Variants in BICDL1 observed in about 807,000 individuals in gnomAD.
BICDL1 encodes BICD family like cargo adaptor 1.
BICDL1 carries 20 observed loss-of-function variants against 76.8 expected under a neutral mutation model. The observed-to-expected ratio is 0.26, with a 90% CI of 0.18 to 0.38. The LOEUF is 0.38. Ranked by LOEUF, BICDL1 falls within the 10% of genes least tolerant of loss-of-function variation. The probability of loss-of-function intolerance (pLI) is 1.00; values close to 1 mark genes in which losing one functional copy is unlikely to be tolerated. For synonymous variants in BICDL1, 383 were observed against 337.1 expected, an observed-to-expected ratio of 1.14 and a Z score of -1.49; for missense variants, 700 against 798.6, an observed-to-expected ratio of 0.88 and a Z score of 1.49.
intron 2 of BICDL1, among the ~76,000 whole-genome samples, chr12:120,024,823 TTTGTTG>T (rs142436978): frequency 6.6e-5 from 10 of 150,838 alleles, no homozygotes; most frequent in South Asian, 2.1e-4. Context: ...CACCTGGCAT[TTTGTTG>T]TTGTTGTTGT....
intron 2 of BICDL1, 45 bp from the exon 3 acceptor site, chr12:120,061,665 T>G (rs1337174936): frequency 7.4e-7 from 1 of 1,342,742 alleles, no homozygotes; most frequent in South Asian, 1.2e-5. Context: ...ACAGAGTTCC[T>G]TTGCATAACC....
At chr12:119,991,714 G>T (rs754729982) in intron 1 of BICDL1, among the ~76,000 whole-genome samples, 1 of 151,520 alleles carries the variant, frequency 6.6e-6, no homozygotes, top group African/African-American at 2.4e-5. Context: ...TGAAGGACTT[G>T]ATTGAAGAGA....
chr12:119,992,609 T>G (rs1351927437), intron 1 of BICDL1: 1 of 152,424 alleles, frequency 6.6e-6, no homozygotes, highest in East Asian at 1.9e-4. Flanking sequence ...GGTCTCAAAC[T>G]ACGGGGCTCA....
chr12:119,993,874 C>T (rs1024989206), intron 1 of BICDL1, among the ~76,000 whole-genome samples: 8 of 152,208 alleles, frequency 5.3e-5, no homozygotes, highest in Admixed American at 3.9e-4. Flanking sequence ...CCTCAGCCTC[C>T]CAAAGTGCTG....
At chr12:120,029,212 C>A (rs1952370601) in intron 2 of BICDL1, among the ~76,000 whole-genome samples, 1 of 152,120 alleles carries the variant, frequency 6.6e-6, no homozygotes, top group Non-Finnish European at 1.5e-5. Context: ...GAGATCTCCA[C>A]AGGTATGAAC....
Position 119,998,747 on chromosome 12 carries a change from A to C in BICDL1, c.645+11A>C, listed in dbSNP as rs773932042. ...GATCAGCTCAGCAGGGTGAGTCACA[A>C]ATTAAGAATTTAAGATGTAAAATAC... On this transcript the variant is annotated intron_variant, in intron 2 of 9. Transcript: ENST00000548673. 6.8e-6 allele frequency: 11 copies of C among 1,609,760 alleles called. No homozygotes were observed. The highest frequency in any genetic ancestry group is 1.6e-4 in the Middle Eastern group (1 of 6,074).
At chr12:120,010,117 G>A (rs1375712795) in intron 2 of BICDL1, among the ~76,000 whole-genome samples, 1 of 152,236 alleles carries the variant, frequency 6.6e-6, no homozygotes, top group African/African-American at 2.4e-5. Context: ...AGCCTGTGCT[G>A]CCAGCTTTGC....
chr12:120,086,394 C>G (rs1042888616), intron 8 of BICDL1, among the ~76,000 whole-genome samples: 2 of 152,366 alleles, frequency 1.3e-5, no homozygotes, highest in Admixed American at 6.5e-5. Flanking sequence ...TATACGTTAT[C>G]TCTGATTCTC....
In BICDL1 at chr12:119,989,445, G is replaced by T. The variant is rs1183176761; in HGVS notation, c.-424G>T. On this transcript the variant is annotated 5_prime_UTR_variant, in exon 1 of 10. Transcript: ENST00000548673. ...CGGAGCGCAGCCCGCCCCGTGAGGC[G>T]CTGCCCGGCCGGCGGCGGCAGCAGC... 3.0e-5 allele frequency among the ~76,000 whole-genome samples: 4 copies of T among 133,104 alleles called. No individual in the cohort carries two copies. The highest frequency in any genetic ancestry group is 6.3e-5 in the Non-Finnish European group (4 of 63,228). The allele number at this position is 133,104 out of a possible 152,430, so 87.3% of individuals were successfully genotyped here.
intron 2 of BICDL1, among the ~76,000 whole-genome samples, chr12:120,025,924 A>G (rs968881783): frequency 6.6e-6 from 1 of 151,582 alleles, no homozygotes; most frequent in African/African-American, 2.4e-5. Context: ...TGCAACCTCC[A>G]CCTCCAGGGT....
intron 2 of BICDL1, among the ~76,000 whole-genome samples, chr12:120,051,032 T>C (rs999774175): frequency 6.6e-6 from 1 of 151,882 alleles, no homozygotes; most frequent in South Asian, 2.1e-4. Flanking sequence ...TCCCTGGAGA[T>C]TTTTTTTCTT....
intron 2 of BICDL1, among the ~76,000 whole-genome samples, chr12:120,039,637 CAAAAAAA>C (rs58284420): frequency 5.5e-5 from 3 of 54,760 alleles, no homozygotes; most frequent in African/African-American, 1.4e-4. Flanking sequence ...GACTCCGTCT[CAAAAAAA>C]AAAAAAAAAA....
At chr12:120,089,783 AAACT>A (rs1874805044) in intron 8 of BICDL1, among the ~76,000 whole-genome samples, 164 bp from the exon 9 acceptor site, 1 of 152,244 alleles carries the variant, frequency 6.6e-6, no homozygotes, top group African/African-American at 2.4e-5. Context: ...AACATGTTGC[AAACT>A]AACCCTCTGC....
chr12:120,086,849 C>G lies in BICDL1; in HGVS notation c.1584-3102C>G, dbSNP rs116703235. 4.1e-3 allele frequency among the ~76,000 whole-genome samples: 618 copies of G among 152,284 alleles called. 9 individuals are homozygous for G. The highest frequency in any genetic ancestry group is 0.014 in the African/African-American group (592 of 41,532). ...CTGGTCTGGGGTTTCCCATGAATGACGAGCACTTATTCCTTGGTGAGCAAA... is the reference window on the plus strand; with the variant it reads ...CTGGTCTGGGGTTTCCCATGAATGAGGAGCACTTATTCCTTGGTGAGCAAA... On this transcript the variant is annotated intron_variant, in intron 8 of 9. Coordinates refer to ENST00000548673, the MANE Select transcript of BICDL1 (RefSeq NM_001367886.1).
chr12:120,012,328 G>C (rs919334974), intron 2 of BICDL1, among the ~76,000 whole-genome samples: 10 of 152,178 alleles, frequency 6.6e-5, no homozygotes, highest in Admixed American at 6.5e-4. Flanking sequence ...ATAGTACTAA[G>C]GTTTTATGAG....
At chr12:120,055,518 C>T (rs1005545013) in intron 2 of BICDL1, among the ~76,000 whole-genome samples, 18 of 152,140 alleles carry the variant, frequency 1.2e-4, no homozygotes, top group Non-Finnish European at 1.5e-5. Context: ...CTTTGTTTTG[C>T]CAACTTGAGG....
At chr12:120,001,853 T>G (rs1057366890) in intron 2 of BICDL1, among the ~76,000 whole-genome samples, 30 of 152,166 alleles carry the variant, frequency 2.0e-4, no homozygotes, top group African/African-American at 6.5e-4. Flanking sequence ...AGCTTGAGAC[T>G]AGCCTGAACT....
At position 120,047,239 on chromosome 12, in the gene BICDL1, A is replaced by T. The variant is rs77112037; in HGVS notation, c.646-14471A>T. Among the ~76,000 whole-genome samples the T allele has an allele frequency of 7.0e-3, 1,061 of 152,242 alleles. 36 individuals carry two copies. The highest frequency in any genetic ancestry group is 0.059 in the Admixed American group (895 of 15,286). ...TTGACTTTATCAGGCATTCCCTCACAATTGTTAGGGCCATCAGACCTTCCT... is the reference window on the plus strand; with the variant it reads ...TTGACTTTATCAGGCATTCCCTCACTATTGTTAGGGCCATCAGACCTTCCT... On this transcript the variant is annotated intron_variant, in intron 2 of 9. Coordinates refer to ENST00000548673, the MANE Select transcript of BICDL1 (RefSeq NM_001367886.1).
Position 120,071,950 on chromosome 12 carries a change from C to A in BICDL1, c.1089+149C>A. On this transcript the variant is annotated intron_variant, in intron 5 of 9. Coordinates refer to ENST00000548673, the MANE Select transcript of BICDL1 (RefSeq NM_001367886.1). This position sits in a 1 kb window ranked among gnomAD's most constrained non-coding sequence, Gnocchi z 4.8. ...GCCTGCTGGCTAGAGTGTCATGAAG[C>A]AGGCCCTGATGGAGCATGTCCCTGG... is the stretch of plus-strand genomic sequence containing the variant. 7.4e-7 allele frequency: 1 copy of A among 1,348,954 alleles called. No individual in the cohort carries two copies. Among genetic ancestry groups the A allele is most frequent in the East Asian group, 2.7e-5 (1 of 36,844 alleles). 83.6% of individuals were successfully genotyped at this position (1,348,954 alleles called of 1,614,324 possible). A position where few individuals can be genotyped will look rare whatever the true frequency, so the allele number is the denominator to read the frequency against.
Sources: gnomAD v4.1 joint callset for allele counts (sites outside exome capture counted in the v4.1 genomes callset) on GRCh38, gnomAD v4.1.1 for gene constraint, Gnocchi (gnomAD v3.1) non-coding constraint, MANE v1.5 for transcripts, NCBI Gene and HGNC (gene_info 2026-07-23, HGNC 2026-07-21) for gene names.